Variants in SPC25 observed in about 807,000 individuals in gnomAD.
SPC25 encodes SPC25 component of NDC80 kinetochore complex, also known as kinetochore protein Spc25.
Under a neutral mutation model 29.6 loss-of-function variants are expected in SPC25, and 22 were observed. The observed-to-expected ratio is 0.74, with a 90% CI of 0.53 to 1.06. The LOEUF is 1.06. Among genes scored for constraint, SPC25 ranks in the 50% least tolerant of loss-of-function variants. The pLI is 0.00. For missense variants in SPC25, 230 were observed against 255.8 expected (o/e 0.90, Z 0.69); for synonymous variants, 91 against 90.4 (o/e 1.01, Z -0.04).
intron 3 of SPC25, 136 bp downstream of exon 3, chr2:168,889,090 T>C (rs1048003724): frequency 2.4e-4 from 83 of 347,668 alleles, no homozygotes; most frequent in African/African-American, 1.8e-3. Context: ...TACATATATA[T>C]ACACATATAT....
At chr2:168,886,089 T>C (rs951509761) in intron 3 of SPC25, among the ~76,000 whole-genome samples, 1 of 142,956 alleles carries the variant, frequency 7.0e-6, no homozygotes, top group South Asian at 2.3e-4. Flanking sequence ...GGTCTCACTC[T>C]GTCGCCCAGG....
At position 168,889,456 on chromosome 2, in the gene SPC25, T is replaced by G; in HGVS notation, c.64A>C (p.Ser22Arg). ...SINEFWNKFK[S>R]TDTSCQMAGL... ...GCCATCTGACAGGAGGTGTCCGTAC[T>G]TTTGAATTTATTCCAAAATTCATTT... Residue 22 changes from serine (S) to arginine (R), a missense_variant, in exon 2 of 7, where the codon AGT becomes CGT. By Grantham distance (110) the Ser-to-Arg change is moderately radical. Transcript: ENST00000282074. 6.2e-7 allele frequency: 1 copy of G among 1,614,182 alleles called. No individual in the cohort carries two copies. Among genetic ancestry groups the G allele is most frequent in the Non-Finnish European group, 8.5e-7 (1 of 1,180,030 alleles).
chr2:168,888,104 C>G lies in SPC25; in HGVS notation c.199+1122G>C, dbSNP rs117836618. Among the ~76,000 whole-genome samples, 740 of 152,238 alleles carry G rather than the reference C, an allele frequency of 4.9e-3. 9 individuals carry two copies. In the East Asian group the frequency reaches 0.055, roughly 11 times the overall value. ...GACCAGCCTGCACAATATGGTGAAACCCCATCTCTACAAAAAATATGAAAT... is the reference window on the plus strand; with the variant it reads ...GACCAGCCTGCACAATATGGTGAAAGCCCATCTCTACAAAAAATATGAAAT... On this transcript the variant is annotated intron_variant, in intron 3 of 6. Transcript: ENST00000282074.
chr2:168,877,212 C>A, intron 4 of SPC25, 26 bp downstream of exon 4: 1 of 1,607,088 alleles, frequency 6.2e-7, no homozygotes, highest in East Asian at 2.2e-5. Flanking sequence ...CATTTTAGAT[C>A]AGTATGTTTA....
intron 2 of SPC25, 24 bp downstream of exon 2, chr2:168,889,363 A>G (rs763080773): frequency 3.7e-6 from 6 of 1,613,884 alleles, no homozygotes; most frequent in Non-Finnish European, 5.1e-6. Context: ...CAAAACCAGC[A>G]TGTTACAAGT....
At chr2:168,871,753 T>A (rs765204065) in intron 6 of SPC25, among the ~76,000 whole-genome samples, 198 bp from the exon 7 acceptor site, 1 of 152,168 alleles carries the variant, frequency 6.6e-6, no homozygotes, top group Non-Finnish European at 1.5e-5. Context: ...TCTCTAAATA[T>A]TCAAATCTTA....
downstream of SPC25, among the ~76,000 whole-genome samples, chr2:168,869,572 CAG>C (rs576375088): frequency 0.02 from 3,050 of 152,232 alleles, 78 homozygotes; most frequent in African/African-American, 0.068. Context: ...AACAGACAAA[CAG>C]AGAGCCAAAT....
rs759062363 is a variant in SPC25, at chr2:168,871,494, GGTCT to G, written c.608_611del (p.Lys203ThrfsTer51). 106 of 1,610,258 alleles carry G rather than the reference GGTCT, an allele frequency of 6.6e-5. No individual in the cohort carries two copies. The highest frequency in any genetic ancestry group is 9.0e-5 in the Non-Finnish European group (106 of 1,178,488). On this transcript the variant is annotated frameshift_variant, in exon 7 of 7. Transcript: ENST00000282074. LOFTEE classifies it high-confidence loss of function. ...TGGCAAGAAAAGCTGAAAAATTGTT[GGTCT>G]TCCTTACATTCTCTTGAAATTCTGC...
chr2:168,870,494 C>T (rs1325605738), downstream of SPC25, among the ~76,000 whole-genome samples: 3 of 151,762 alleles, frequency 2.0e-5, no homozygotes, highest in African/African-American at 7.3e-5. Context: ...CTACAATGAA[C>T]TCAAACAAAT....
At chr2:168,863,632 T>C in intron 4 of SPC25, 1 of 982,776 alleles carries the variant, frequency 1.0e-6, no homozygotes, top group Non-Finnish European at 1.2e-6. Context: ...AATGGGGAGT[T>C]ACATTTTGAA....
At chr2:168,871,696 C>G (rs1428373498) in intron 6 of SPC25, 141 bp from the exon 7 acceptor site, 1 of 739,590 alleles carries the variant, frequency 1.4e-6, no homozygotes, top group Non-Finnish European at 2.1e-6. Flanking sequence ...AAAGGATACA[C>G]TTGATTTTCC....
At chr2:168,889,060 T>TATATATACACATATATATAC (rs1559158775) in intron 3 of SPC25, among the ~76,000 whole-genome samples, 166 bp downstream of exon 3, 1 of 53,098 alleles carries the variant, frequency 1.9e-5, no homozygotes, top group African/African-American at 6.0e-5. Flanking sequence ...TATATATACA[T>TATATATACACATATATATAC]ATATATATAC....
At chr2:168,869,414 A>T (rs999300153), downstream of SPC25, among the ~76,000 whole-genome samples, 9 of 152,230 alleles carry the variant, frequency 5.9e-5, no homozygotes, top group South Asian at 1.7e-3. Context: ...AGGAACTCAA[A>T]TTGTCCCTGT....
intron 4 of SPC25, among the ~76,000 whole-genome samples, chr2:168,861,684 A>T (rs576739876): frequency 6.6e-6 from 1 of 152,332 alleles, no homozygotes; most frequent in South Asian, 2.1e-4. Context: ...TGCAATTACT[A>T]TTATTATACA....
chr2:168,874,433 T>G (rs977093443), intron 5 of SPC25, among the ~76,000 whole-genome samples: 4 of 152,150 alleles, frequency 2.6e-5, no homozygotes, highest in Non-Finnish European at 4.4e-5. Context: ...TATGCCAATG[T>G]TCATAGCAGC....
intron 4 of SPC25, chr2:168,861,928 C>G (rs1180121719): frequency 6.3e-7 from 1 of 1,597,050 alleles, no homozygotes; most frequent in Non-Finnish European, 8.6e-7. Flanking sequence ...CCTGCTAACA[C>G]AGCATACTAA....
At chr2:168,870,442 T>G (rs573776609), downstream of SPC25, among the ~76,000 whole-genome samples, 12 of 150,498 alleles carry the variant, frequency 8.0e-5, no homozygotes, top group East Asian at 2.3e-3. Context: ...GGGAGAAAAT[T>G]TTTGCAACCT....
chr2:168,865,982 G>C (rs1395749824), downstream of SPC25, among the ~76,000 whole-genome samples: 1 of 152,280 alleles, frequency 6.6e-6, no homozygotes, highest in Non-Finnish European at 1.5e-5. Flanking sequence ...AGGACACAAA[G>C]AAATGGAAGA....
rs148026886 is a variant in SPC25, at chr2:168,875,068, G to A, written c.451+1004C>T. ...GCAACAGGCATCAAAATATTCATGT[G>A]TTTTAGCCTACTAATTCCTCTCTGG... On this transcript the variant is annotated intron_variant, in intron 5 of 6. Coordinates refer to ENST00000282074, the MANE Select transcript of SPC25 (RefSeq NM_020675.4). Among the ~76,000 whole-genome samples, 9 of 152,242 alleles carry A rather than the reference G, an allele frequency of 5.9e-5. No individual in the cohort carries two copies. In the South Asian group the frequency reaches 6.2e-4, roughly 11 times the overall value.
Sources: gnomAD v4.1 joint callset for allele counts (sites outside exome capture counted in the v4.1 genomes callset) on GRCh38, gnomAD v4.1.1 for gene constraint, MANE v1.5 for transcripts, NCBI Gene and HGNC (gene_info 2026-07-23, HGNC 2026-07-21) for gene names.